NDST3: variants seen among roughly 807,000 people sequenced by gnomAD.
The protein encoded by NDST3 is bifunctional heparan sulfate N-deacetylase/N-sulfotransferase 3.
Under a neutral mutation model 96.1 loss-of-function variants are expected in NDST3, and 58 were observed. That is an observed-to-expected ratio of 0.60 (90% confidence interval 0.49 to 0.75). The LOEUF (loss-of-function observed/expected upper bound fraction) is 0.75, where lower values mean the gene tolerates loss of function less well. Among genes scored for constraint, NDST3 ranks in the 30% least tolerant of loss-of-function variants. The pLI is 0.00. For missense variants in NDST3, 788 were observed against 1,034.2 expected, an observed-to-expected ratio of 0.76 and a Z score of 3.27; for synonymous variants, 333 against 359.7, an observed-to-expected ratio of 0.93 and a Z score of 0.84.
chr4:118,085,289 C>T (rs1176026724), intron 2 of NDST3, among the ~76,000 whole-genome samples: 1 of 152,038 alleles, frequency 6.6e-6, no homozygotes, highest in Non-Finnish European at 1.5e-5. Context: ...CAAAAATGCT[C>T]CACATCAAGA....
At chr4:118,217,041 C>A (rs1015879022) in intron 6 of NDST3, among the ~76,000 whole-genome samples, 5 of 152,012 alleles carry the variant, frequency 3.3e-5, no homozygotes, top group Non-Finnish European at 1.5e-5. Context: ...GTCAGAAAGA[C>A]AAAACTAGGG....
At chr4:118,136,314 A>AT (rs1175992193) in intron 4 of NDST3, among the ~76,000 whole-genome samples, 4 of 152,194 alleles carry the variant, frequency 2.6e-5, no homozygotes, top group Non-Finnish European at 5.9e-5. Flanking sequence ...ACTTCAGCAC[A>AT]TTTTTTAAAG....
intron 10 of NDST3, among the ~76,000 whole-genome samples, chr4:118,238,211 GAA>G (rs1560738869): frequency 8.1e-6 from 1 of 123,238 alleles, no homozygotes; most frequent in East Asian, 2.3e-4. Flanking sequence ...AAGAAAGAAA[GAA>G]AGAAAGAAAG....
At chr4:118,224,254 G>A (rs193074213) in intron 6 of NDST3, among the ~76,000 whole-genome samples, 2 of 152,036 alleles carry the variant, frequency 1.3e-5, no homozygotes, top group East Asian at 3.9e-4. Context: ...GTATTTTTTT[G>A]TTATGAAATA....
chr4:118,226,216 G>A (rs558929755), intron 7 of NDST3, among the ~76,000 whole-genome samples: 1 of 152,170 alleles, frequency 6.6e-6, no homozygotes, highest in East Asian at 1.9e-4. Flanking sequence ...TTCTTAAAAT[G>A]AAGGGTGTTC....
chr4:118,227,859 G>A (rs965774646), intron 8 of NDST3, among the ~76,000 whole-genome samples: 9 of 152,132 alleles, frequency 5.9e-5, no homozygotes, highest in East Asian at 1.9e-4. Context: ...TGATCCGCCC[G>A]CCTCGGCCTC....
chr4:118,236,490 CTA>C (rs1385125013), intron 9 of NDST3, among the ~76,000 whole-genome samples: 5 of 152,084 alleles, frequency 3.3e-5, no homozygotes, highest in Admixed American at 6.5e-5. Context: ...ATAAGTGGCT[CTA>C]TATGAGAAAA....
At chr4:118,173,303 A>G (rs1047824928) in intron 6 of NDST3, among the ~76,000 whole-genome samples, 3 of 152,130 alleles carry the variant, frequency 2.0e-5, no homozygotes, top group Non-Finnish European at 4.4e-5. Context: ...AACAACTAAG[A>G]AACAAGCCCA....
intron 6 of NDST3, among the ~76,000 whole-genome samples, chr4:118,154,098 T>G (rs989480457): frequency 2.4e-4 from 37 of 152,010 alleles, no homozygotes; most frequent in African/African-American, 8.9e-4. Context: ...ACACACAGAG[T>G]TACACAATAA....
intron 5 of NDST3, among the ~76,000 whole-genome samples, chr4:118,140,514 G>A (rs1340819198): frequency 6.6e-6 from 1 of 152,018 alleles, no homozygotes; most frequent in Non-Finnish European, 1.5e-5. Context: ...CTAATCTCTG[G>A]TTGTTGAATA....
chr4:118,235,987 C>G (rs1740620422), intron 9 of NDST3, among the ~76,000 whole-genome samples: 1 of 152,088 alleles, frequency 6.6e-6, no homozygotes, highest in Admixed American at 6.5e-5. Context: ...AGTCAAAAAT[C>G]TATGAACATC....
chr4:118,108,529 G>C (rs1259930866), intron 3 of NDST3, among the ~76,000 whole-genome samples: 1 of 152,168 alleles, frequency 6.6e-6, no homozygotes, highest in East Asian at 1.9e-4. Flanking sequence ...ATATCATGCT[G>C]AGAATTCTAT....
chr4:118,151,557 T>G (rs1734401215), intron 6 of NDST3, among the ~76,000 whole-genome samples: 1 of 152,074 alleles, frequency 6.6e-6, no homozygotes, highest in Non-Finnish European at 1.5e-5. Context: ...CTCTACATAC[T>G]CACCATGCGC....
intron 6 of NDST3, among the ~76,000 whole-genome samples, chr4:118,183,484 G>A (rs867485912): frequency 6.6e-6 from 1 of 152,084 alleles, no homozygotes; most frequent in African/African-American, 2.4e-5. Flanking sequence ...ATTAGTATAA[G>A]CTATCTAGGG....
intron 6 of NDST3, among the ~76,000 whole-genome samples, chr4:118,195,748 T>C (rs1002092288): frequency 6.6e-6 from 1 of 152,250 alleles, no homozygotes. Context: ...AATAGTTTTT[T>C]GGTGGCGTCT....
chr4:118,160,469 GAAA>G (rs373117185), intron 6 of NDST3, among the ~76,000 whole-genome samples: 1 of 135,658 alleles, frequency 7.4e-6, no homozygotes, highest in Non-Finnish European at 1.6e-5. Flanking sequence ...AAATTTACAA[GAAA>G]AAAAAAAAAC....
At chr4:118,235,148 G>A (rs1268896552) in intron 9 of NDST3, among the ~76,000 whole-genome samples, 2 of 152,068 alleles carry the variant, frequency 1.3e-5, no homozygotes, top group African/African-American at 4.8e-5. Context: ...AGAAAATGCT[G>A]AAGTTTTATG....
intron 3 of NDST3, among the ~76,000 whole-genome samples, chr4:118,114,075 A>G (rs997685344): frequency 6.6e-6 from 1 of 152,208 alleles, no homozygotes; most frequent in African/African-American, 2.4e-5. Context: ...AAACAACAAC[A>G]GGGCTGACCC....
At chr4:118,198,481 G>C (rs1737845878) in intron 6 of NDST3, among the ~76,000 whole-genome samples, 2 of 152,032 alleles carry the variant, frequency 1.3e-5, no homozygotes, top group South Asian at 4.1e-4. Context: ...CCTGCTTTAA[G>C]TTTTTGTTAC....
Sources: allele counts gnomAD v4.1 joint callset (sites outside exome capture counted in the v4.1 genomes callset), GRCh38; gene constraint gnomAD v4.1.1; transcripts MANE v1.5; gene names NCBI Gene and HGNC (gene_info 2026-07-23, HGNC 2026-07-21).